Variants in AGBL4 observed in about 807,000 individuals in gnomAD.
The protein encoded by AGBL4 is cytosolic carboxypeptidase 6.
AGBL4 carries 58 observed loss-of-function variants against 66.4 expected under a neutral mutation model. The ratio of observed to expected loss-of-function variants is 0.87; its 90% CI spans 0.71 to 1.09. AGBL4 has a LOEUF of 1.09. AGBL4 is among the 50% of genes least tolerant of loss of function. AGBL4 has a pLI of 0.00. For synonymous variants in AGBL4, 234 were observed against 222.9 expected (o/e 1.05, Z -0.44); for missense variants, 579 against 631.0 (o/e 0.92, Z 0.88).
chr1:48,529,745 G>C (rs749303821), downstream of AGBL4, among the ~76,000 whole-genome samples: 1 of 152,142 alleles, frequency 6.6e-6, no homozygotes, highest in Non-Finnish European at 1.5e-5. Context: ...TAGGGAACCA[G>C]AGCTAGATTA....
intron 11 of AGBL4, among the ~76,000 whole-genome samples, chr1:48,570,501 C>T (rs1235220504): frequency 6.6e-6 from 1 of 151,908 alleles, no homozygotes; most frequent in African/African-American, 2.4e-5. Flanking sequence ...GGCTATGCCT[C>T]ATACAAGTTT....
intron 2 of AGBL4, among the ~76,000 whole-genome samples, chr1:49,797,660 G>A (rs1644762746): frequency 6.6e-6 from 1 of 152,082 alleles, no homozygotes. Context: ...GCCTATACTG[G>A]TCTTGAAACA....
chr1:49,623,978 C>G (rs1399711059), intron 3 of AGBL4, among the ~76,000 whole-genome samples: 1 of 150,684 alleles, frequency 6.6e-6, no homozygotes, highest in Admixed American at 6.6e-5. Context: ...AAAACTTTTA[C>G]TTCATATAGT....
intron 3 of AGBL4, among the ~76,000 whole-genome samples, chr1:49,511,091 C>A (rs374979474): frequency 1.3e-5 from 2 of 152,046 alleles, no homozygotes; most frequent in East Asian, 1.9e-4. Flanking sequence ...TTTACCCAGC[C>A]ATCCCATTAC....
At chr1:49,503,080 G>T (rs546530640) in intron 3 of AGBL4, among the ~76,000 whole-genome samples, 1 of 152,108 alleles carries the variant, frequency 6.6e-6, no homozygotes, top group East Asian at 1.9e-4. Context: ...ATGGTGTCTT[G>T]GGCTGGTTCC....
intron 2 of AGBL4, among the ~76,000 whole-genome samples, chr1:49,808,943 T>A (rs1645035326): frequency 6.6e-6 from 1 of 152,142 alleles, no homozygotes; most frequent in African/African-American, 2.4e-5. Context: ...TAATATATGG[T>A]TTGCTCCCTA....
chr1:49,009,043 G>A (rs1423268468), intron 5 of AGBL4, among the ~76,000 whole-genome samples: 22 of 150,640 alleles, frequency 1.5e-4, no homozygotes, highest in Admixed American at 3.3e-4. Context: ...AGAACTGAAG[G>A]AAATAGAGAC....
chr1:49,401,760 G>T (rs1019415120), intron 3 of AGBL4, among the ~76,000 whole-genome samples: 1 of 152,052 alleles, frequency 6.6e-6, no homozygotes, highest in African/African-American at 2.4e-5. Flanking sequence ...ATTGGTATTG[G>T]TTCTGCTTTA....
intron 3 of AGBL4, among the ~76,000 whole-genome samples, chr1:49,501,491 T>G (rs185526597): frequency 1.3e-5 from 2 of 152,192 alleles, no homozygotes; most frequent in East Asian, 3.9e-4. Flanking sequence ...GTGGTATCAG[T>G]GGTAATGTCT....
chr1:49,761,686 ATTTC>A (rs1408315160), intron 2 of AGBL4, among the ~76,000 whole-genome samples: 1 of 152,212 alleles, frequency 6.6e-6, no homozygotes, highest in African/African-American at 2.4e-5. Context: ...AACATCTATG[ATTTC>A]TTTGTGATAA....
At chr1:48,587,735 C>T (rs975970717) in intron 10 of AGBL4, among the ~76,000 whole-genome samples, 2 of 151,572 alleles carry the variant, frequency 1.3e-5, no homozygotes, top group African/African-American at 4.8e-5. Flanking sequence ...CTCCGTCTCC[C>T]TGGTTCATGC....
chr1:49,781,394 T>A (rs1426479772), intron 2 of AGBL4, among the ~76,000 whole-genome samples: 1 of 151,946 alleles, frequency 6.6e-6, no homozygotes, highest in African/African-American at 2.4e-5. Context: ...AGACCCTGTC[T>A]CTTAAAAAAA....
intron 3 of AGBL4, among the ~76,000 whole-genome samples, chr1:49,359,448 A>C (rs796437427): frequency 3.3e-5 from 5 of 152,346 alleles, no homozygotes; most frequent in African/African-American, 1.2e-4. Context: ...TATGTTCAAT[A>C]AATGGTTTCC....
chr1:49,558,889 C>T (rs1389801042), intron 3 of AGBL4, among the ~76,000 whole-genome samples: 1 of 152,090 alleles, frequency 6.6e-6, no homozygotes, highest in Non-Finnish European at 1.5e-5. Context: ...AGTGCTGTGT[C>T]CTGTGACTTG....
chr1:48,726,048 A>C (rs1647251051), intron 6 of AGBL4, among the ~76,000 whole-genome samples: 2 of 152,240 alleles, frequency 1.3e-5, no homozygotes, highest in Admixed American at 1.3e-4. Context: ...AGAAGAAACA[A>C]GGCCCAGAGG....
At chr1:48,951,234 T>C (rs954938269) in intron 5 of AGBL4, among the ~76,000 whole-genome samples, 1 of 152,202 alleles carries the variant, frequency 6.6e-6, no homozygotes, top group African/African-American at 2.4e-5. Context: ...AAGGTAGGAC[T>C]ACTGTGTGCT....
chr1:48,993,864 G>A (rs1660799209), intron 5 of AGBL4, among the ~76,000 whole-genome samples: 2 of 152,280 alleles, frequency 1.3e-5, no homozygotes, highest in South Asian at 4.1e-4. Context: ...GCCAGGAGAA[G>A]GGGGAGGGGT....
intron 3 of AGBL4, among the ~76,000 whole-genome samples, chr1:49,263,154 G>T (rs1322400587): frequency 4.0e-5 from 6 of 151,546 alleles, no homozygotes; most frequent in African/African-American, 1.2e-4. Flanking sequence ...GGGGACTGTT[G>T]TGGGGTGGGG....
intron 4 of AGBL4, among the ~76,000 whole-genome samples, chr1:49,201,557 T>C (rs901316240): frequency 3.9e-5 from 6 of 152,198 alleles, no homozygotes; most frequent in Non-Finnish European, 5.9e-5. Context: ...TGTGTGACTG[T>C]ACTGAAGTGC....
Sources: gnomAD v4.1 joint callset for allele counts (sites outside exome capture counted in the v4.1 genomes callset) on GRCh38, gnomAD v4.1.1 for gene constraint, MANE v1.5 for transcripts, NCBI Gene and HGNC (gene_info 2026-07-23, HGNC 2026-07-21) for gene names.